ZC4H2: variants seen among roughly 807,000 people sequenced by gnomAD.
The protein encoded by ZC4H2 is zinc finger C4H2-type containing.
For missense variants in ZC4H2, 137 were observed against 173.9 expected (o/e 0.79, Z 1.19); for synonymous variants, 84 against 66.3 (o/e 1.27, Z -1.30).
chrX:64,928,386 T>TC (rs1415801332), intron 1 of ZC4H2, among the ~76,000 whole-genome samples: 1 of 112,130 alleles, frequency 8.9e-6, no homozygotes, highest in Non-Finnish European at 1.9e-5. Context: ...GGGAATCCTT[T>TC]CCACATCACT....
chrX:65,026,220 G>C (rs1421983248), intron 1 of ZC4H2, among the ~76,000 whole-genome samples: 1 of 112,032 alleles, frequency 8.9e-6, no homozygotes, highest in African/African-American at 3.3e-5. Context: ...GGGCAGAGTA[G>C]AAATATAGGT....
At chrX:64,938,096 A>G (rs1190487442) in intron 1 of ZC4H2, among the ~76,000 whole-genome samples, 5 of 112,202 alleles carry the variant, frequency 4.5e-5, no homozygotes, top group African/African-American at 9.7e-5. Flanking sequence ...AAAACGACAT[A>G]GGGCATATCA....
chrX:65,010,244 C>T (rs183751087), intron 1 of ZC4H2, among the ~76,000 whole-genome samples: 7 of 111,861 alleles, frequency 6.3e-5, no homozygotes, highest in African/African-American at 2.3e-4. Context: ...ATTGAAGACC[C>T]TTATTGTTTG....
intron 1 of ZC4H2, among the ~76,000 whole-genome samples, chrX:64,990,957 CT>C (rs1336857939): frequency 8.1e-5 from 9 of 111,768 alleles, no homozygotes; most frequent in Non-Finnish European, 1.7e-4. Context: ...AATCTTCTAC[CT>C]TTTTCAGAGG....
intron 1 of ZC4H2, among the ~76,000 whole-genome samples, chrX:64,948,370 C>T (rs1432426958): frequency 9.0e-6 from 1 of 111,484 alleles, no homozygotes; most frequent in Admixed American, 9.6e-5. Context: ...AAAAAATTGG[C>T]TTCTGGATAT....
chrX:65,001,120 A>G (rs1226233814), intron 1 of ZC4H2, among the ~76,000 whole-genome samples: 1 of 111,110 alleles, frequency 9.0e-6, no homozygotes, highest in African/African-American at 3.3e-5. Flanking sequence ...GAGTAACCAG[A>G]AGACACATAA....
intron 1 of ZC4H2, among the ~76,000 whole-genome samples, chrX:65,027,897 G>A (rs774528283): frequency 1.8e-5 from 2 of 111,913 alleles, no homozygotes; most frequent in East Asian, 5.6e-4. Flanking sequence ...TTCGTCATGC[G>A]GGAATTGAAG....
intron 1 of ZC4H2, among the ~76,000 whole-genome samples, chrX:65,013,619 C>G (rs1280256083): frequency 9.0e-6 from 1 of 111,165 alleles, no homozygotes; most frequent in Non-Finnish European, 1.9e-5. Context: ...GCCCCTCAGT[C>G]CAACAATCCA....
intron 1 of ZC4H2, among the ~76,000 whole-genome samples, chrX:65,020,101 G>A (rs1244404952): frequency 2.7e-5 from 3 of 112,019 alleles, no homozygotes. Context: ...GAACAAAGTT[G>A]GAAAACACTC....
At chrX:65,018,688 G>T (rs570357431) in intron 1 of ZC4H2, among the ~76,000 whole-genome samples, 3 of 109,957 alleles carry the variant, frequency 2.7e-5, no homozygotes, top group African/African-American at 9.9e-5. Context: ...AGACAGAACC[G>T]TTCACTCCCC....
At chrX:65,017,833 G>A (rs963611567) in intron 1 of ZC4H2, among the ~76,000 whole-genome samples, 1 of 112,035 alleles carries the variant, frequency 8.9e-6, no homozygotes, top group African/African-American at 3.2e-5. Context: ...CTGTTACCAA[G>A]CCTATTGTTC....
intron 1 of ZC4H2, among the ~76,000 whole-genome samples, chrX:65,006,769 A>C (rs1932669782): frequency 8.9e-6 from 1 of 112,269 alleles, no homozygotes; most frequent in Admixed American, 9.4e-5. Context: ...TTGCATGTGC[A>C]GTTGACCAAA....
At chrX:64,959,047 C>T (rs1602419861) in intron 1 of ZC4H2, among the ~76,000 whole-genome samples, 1 of 111,179 alleles carries the variant, frequency 9.0e-6, no homozygotes, top group Admixed American at 9.6e-5. Context: ...GACCATATGA[C>T]AACTTTCTGG....
chrX:65,016,883 C>T (rs1932801386), intron 1 of ZC4H2, among the ~76,000 whole-genome samples: 1 of 111,730 alleles, frequency 9.0e-6, no homozygotes, highest in South Asian at 3.8e-4. Flanking sequence ...CTTTGATGAT[C>T]CCAGCAAAAT....
At chrX:64,963,949 A>G (rs1358494884) in intron 1 of ZC4H2, among the ~76,000 whole-genome samples, 2 of 111,768 alleles carry the variant, frequency 1.8e-5, no homozygotes, top group Non-Finnish European at 3.8e-5. Flanking sequence ...AAGGAGAAAT[A>G]CTGCATGATT....
chrX:64,962,970 AT>A (rs749029643), intron 1 of ZC4H2, among the ~76,000 whole-genome samples: 6 of 109,518 alleles, frequency 5.5e-5, no homozygotes, highest in South Asian at 7.8e-4. Flanking sequence ...TCCCAATGGC[AT>A]TTTTTTTTAC....
chrX:64,923,350 T>C (rs1310469120), intron 1 of ZC4H2, among the ~76,000 whole-genome samples: 1 of 111,305 alleles, frequency 9.0e-6, no homozygotes, highest in African/African-American at 3.3e-5. Context: ...AGGCATGTTG[T>C]TGTCTTCCCA....
chrX:64,981,051 A>C (rs1233835283), upstream of ZC4H2, among the ~76,000 whole-genome samples: 15 of 109,700 alleles, frequency 1.4e-4, no homozygotes, highest in Admixed American at 1.4e-3. Flanking sequence ...CTGGAGGAAG[A>C]GTGCTCCAGG....
intron 1 of ZC4H2, among the ~76,000 whole-genome samples, chrX:64,950,928 G>A (rs180674298): frequency 9.1e-6 from 1 of 110,270 alleles, no homozygotes; most frequent in African/African-American, 3.3e-5. Context: ...TTAGCATTAG[G>A]TATATCTCCT....
Sources: gnomAD v4.1 joint callset for allele counts (sites outside exome capture counted in the v4.1 genomes callset) on GRCh38, gnomAD v4.1.1 for gene constraint, MANE v1.5 for transcripts, NCBI Gene and HGNC (gene_info 2026-07-23, HGNC 2026-07-21) for gene names.